The following ANKFN1 variants were observed in gnomAD, a reference collection of about 807,000 sequenced individuals.
ANKFN1 encodes the protein ankyrin repeat and fibronectin type III domain containing 1.
ANKFN1 carries 74 observed loss-of-function variants against 108.7 expected under a neutral mutation model. The observed-to-expected ratio is 0.68, with a 90% CI of 0.56 to 0.83. The LOEUF (loss-of-function observed/expected upper bound fraction) is 0.83. Among genes scored for constraint, ANKFN1 ranks in the 40% least tolerant of loss-of-function variants. The pLI, the probability that ANKFN1 is intolerant of heterozygous loss-of-function variation, is 0.00. For missense variants in ANKFN1, 1,505 were observed against 1,382.3 expected, an observed-to-expected ratio of 1.09 and a Z score of -1.41; for synonymous variants, 547 against 516.2, an observed-to-expected ratio of 1.06 and a Z score of -0.81.
At chr17:56,191,893 C>A (rs866220312) in intron 1 of ANKFN1, among the ~76,000 whole-genome samples, 3,422 of 150,696 alleles carry the variant, frequency 0.023, 135 homozygotes, top group African/African-American at 0.08. Context: ...TCCCATATTT[C>A]TTGGAGGCTT....
At chr17:56,052,208 G>A (rs375189752) in intron 4 of ANKFN1, among the ~76,000 whole-genome samples, 2 of 152,088 alleles carry the variant, frequency 1.3e-5, no homozygotes, top group South Asian at 4.2e-4. Context: ...CATGGTACTG[G>A]TACCAAAACA....
chr17:56,515,501 A>T lies in ANKFN1; in HGVS notation c.*4232A>T, dbSNP rs2051893269. Among the ~76,000 whole-genome samples, 1 of 152,202 alleles carries T rather than the reference A, an allele frequency of 6.6e-6. No homozygotes were observed. Among genetic ancestry groups the T allele is most frequent in the African/African-American group, 2.4e-5 (1 of 41,444 alleles). ...AGGTAATAGGGTGAGCAAGGAAAAA[A>T]ACTGTTTTCTTTGCTGGTCACCTCT... On this transcript the variant is annotated 3_prime_UTR_variant, in exon 21 of 21. Transcript: ENST00000682825.
intron 18 of ANKFN1, among the ~76,000 whole-genome samples, chr17:56,485,405 C>CT (rs1479046823): frequency 6.6e-6 from 1 of 152,066 alleles, no homozygotes; most frequent in Non-Finnish European, 1.5e-5. Flanking sequence ...GTGCAAAGGC[C>CT]TTAGAGTAAG....
intron 11 of ANKFN1, among the ~76,000 whole-genome samples, chr17:56,452,007 G>A (rs960612911): frequency 1.3e-5 from 2 of 152,140 alleles, no homozygotes; most frequent in African/African-American, 4.8e-5. Context: ...CTTAGTATTG[G>A]GATGAAAATT....
intron 4 of ANKFN1, among the ~76,000 whole-genome samples, chr17:56,337,031 G>C (rs531176522): frequency 6.6e-6 from 1 of 152,232 alleles, no homozygotes; most frequent in Admixed American, 6.5e-5. Context: ...GTGCAGTTTT[G>C]GGAAAGTTTC....
intron 1 of ANKFN1, among the ~76,000 whole-genome samples, chr17:56,164,316 C>T (rs1220520099): frequency 6.6e-6 from 1 of 152,168 alleles, no homozygotes; most frequent in African/African-American, 2.4e-5. Flanking sequence ...GCCCATCTCC[C>T]TACTCCTTGG....
chr17:56,267,776 A>T lies in ANKFN1; in HGVS notation c.53+39819A>T, dbSNP rs143975458. On this transcript the variant is annotated intron_variant, in intron 3 of 20. Coordinates refer to ENST00000682825, the MANE Select transcript of ANKFN1 (RefSeq NM_001370326.1). ...ATGTGTCTGTTTTTGTACCAGTATC[A>T]TGCTGTGTTGGTTATTGTAGGCTTC... 6.6e-3 allele frequency among the ~76,000 whole-genome samples: 1,000 copies of T among 152,246 alleles called. 13 individuals are homozygous for T. Among genetic ancestry groups the T allele is most frequent in the African/African-American group, 0.023 (942 of 41,556 alleles).
chr17:56,418,799 TAA>T (rs34391024), intron 8 of ANKFN1, among the ~76,000 whole-genome samples: 9,477 of 138,650 alleles, frequency 0.068, 328 homozygotes, highest in African/African-American at 0.11. Flanking sequence ...CTTTCTAAGT[TAA>T]AAAAAAAAAA....
chr17:56,227,101 C>T (rs1916338067), intron 2 of ANKFN1, among the ~76,000 whole-genome samples: 1 of 152,146 alleles, frequency 6.6e-6, no homozygotes, highest in South Asian at 2.1e-4. Flanking sequence ...TAGAGATGAT[C>T]TGGAATCACT....
chr17:56,125,187 T>G (rs993358014), intron 4 of ANKFN1, among the ~76,000 whole-genome samples: 1 of 152,218 alleles, frequency 6.6e-6, no homozygotes, highest in Admixed American at 6.5e-5. Context: ...CTTTTGACCT[T>G]TCACTATGGG....
chr17:56,482,368 C>A lies in ANKFN1; in HGVS notation c.2104C>A (p.Arg702Ser), dbSNP rs769090545. 1 of 1,601,966 alleles carries A rather than the reference C, an allele frequency of 6.2e-7. No individual in the cohort carries two copies. Among genetic ancestry groups the A allele is most frequent in the Non-Finnish European group, 8.5e-7 (1 of 1,174,166 alleles). Residue 702 changes from arginine (R) to serine (S), a missense_variant, in exon 18 of 21, where the codon CGC becomes AGC. Physicochemically the swap from Arg to Ser is moderately radical, Grantham distance 110. Coordinates refer to ENST00000682825, the MANE Select transcript of ANKFN1 (RefSeq NM_001370326.1). ...NIPLHQARNFRLYTQEVLEMG... is the reference protein window; with the variant it reads ...NIPLHQARNFSLYTQEVLEMG... ...TGTCCCTCTGCAGGCAAGGAACTTCCGCCTCTACACACAGGAGGTGTTGGA... is the reference window on the plus strand; with the variant it reads ...TGTCCCTCTGCAGGCAAGGAACTTCAGCCTCTACACACAGGAGGTGTTGGA...
At chr17:56,467,079 G>A (rs1328833935) in intron 15 of ANKFN1, among the ~76,000 whole-genome samples, 1 of 152,122 alleles carries the variant, frequency 6.6e-6, no homozygotes, top group Non-Finnish European at 1.5e-5. Flanking sequence ...TTGTGCGACT[G>A]CCCTCCAGCC....
intron 3 of ANKFN1, among the ~76,000 whole-genome samples, chr17:56,325,590 C>T (rs946941871): frequency 2.0e-5 from 3 of 152,152 alleles, no homozygotes; most frequent in South Asian, 2.1e-4. Flanking sequence ...TCTCAGAACC[C>T]GCTCAGACAA....
rs2051714642 is a variant in ANKFN1, at chr17:56,510,592, CACG to C, written c.2767_2769del (p.Asp923del). 16 of 1,536,208 alleles carry C rather than the reference CACG, an allele frequency of 1.0e-5. No individual in the cohort carries two copies. In the East Asian group the frequency reaches 3.9e-4, roughly 38 times the overall value. On this transcript the variant is annotated inframe_deletion, in exon 21 of 21. Coordinates refer to ENST00000682825, the MANE Select transcript of ANKFN1 (RefSeq NM_001370326.1). ...CCTGGACCTGGTCTACCTATCATCTCACGACATTGCGCAGCAGACCCTTAGCGG... is the reference window on the plus strand; with the variant it reads ...CCTGGACCTGGTCTACCTATCATCTCACATTGCGCAGCAGACCCTTAGCGG...
intron 1 of ANKFN1, among the ~76,000 whole-genome samples, chr17:56,183,225 G>A (rs983997980): frequency 2.0e-5 from 3 of 152,124 alleles, no homozygotes; most frequent in Non-Finnish European, 4.4e-5. Flanking sequence ...TAAGGTTATA[G>A]TTACCATCAA....
At chr17:56,328,942 T>A (rs2045592418) in intron 4 of ANKFN1, among the ~76,000 whole-genome samples, 1 of 152,098 alleles carries the variant, frequency 6.6e-6, no homozygotes, top group African/African-American at 2.4e-5. Context: ...GCCCACCCCA[T>A]CCCCATTGCC....
rs572536443 is a variant in ANKFN1 at position 56,212,338 on chromosome 17, C to A, written c.-70-260C>A. Among the ~76,000 whole-genome samples the A allele has an allele frequency of 2.0e-5, 3 of 152,060 alleles. No homozygotes were observed. The East Asian group carries it at 5.8e-4, about 29-fold the overall frequency. On this transcript the variant is annotated intron_variant, in intron 1 of 20. Coordinates refer to ENST00000682825, the MANE Select transcript of ANKFN1 (RefSeq NM_001370326.1). ...TTAATTCTGTTTGTGTGGTGTATCA[C>A]ATTTATTGACTTGCAGATGTGAAAC... is the stretch of plus-strand genomic sequence containing the variant.
intron 8 of ANKFN1, among the ~76,000 whole-genome samples, chr17:56,389,024 A>G (rs1192926794): frequency 5.3e-5 from 8 of 152,094 alleles, no homozygotes; most frequent in Admixed American, 5.2e-4. Flanking sequence ...AAAAAAAAAA[A>G]ACTAAACATG....
intron 3 of ANKFN1, among the ~76,000 whole-genome samples, chr17:56,285,959 G>T (rs752524372): frequency 3.9e-5 from 6 of 151,990 alleles, no homozygotes; most frequent in Non-Finnish European, 5.9e-5. Flanking sequence ...TATACCTGTT[G>T]TCCCAGAGTC....
Sources: allele counts gnomAD v4.1 joint callset (sites outside exome capture counted in the v4.1 genomes callset), GRCh38; gene constraint gnomAD v4.1.1; transcripts MANE v1.5; gene names NCBI Gene and HGNC (gene_info 2026-07-23, HGNC 2026-07-21).